Variants in ADGRB3 observed in about 807,000 individuals in gnomAD.
ADGRB3 encodes the protein brain-specific angiogenesis inhibitor 3.
A neutral mutation model predicts 193.4 loss-of-function variants in ADGRB3; 37 were observed. The observed-to-expected ratio is 0.19, with a 90% CI of 0.15 to 0.25. ADGRB3 has a LOEUF of 0.25. Among genes scored for constraint, ADGRB3 ranks in the 10% least tolerant of loss-of-function variants. ADGRB3 has a pLI of 1.00. For missense variants in ADGRB3, 1,637 were observed against 1,852.9 expected (o/e 0.88, Z 2.14); for synonymous variants, 690 against 644.2 (o/e 1.07, Z -1.08).
chr6:69,332,121 A>G (rs1264189133), intron 23 of ADGRB3: 1 of 985,320 alleles, frequency 1.0e-6, no homozygotes, highest in Admixed American at 6.2e-5. Context: ...TTCCTTGATC[A>G]GAAAGTGTTG....
At chr6:69,213,470 A>C (rs1765709854) in intron 17 of ADGRB3, among the ~76,000 whole-genome samples, 2 of 152,198 alleles carry the variant, frequency 1.3e-5, no homozygotes, top group Admixed American at 1.3e-4. Context: ...AATATTTGCT[A>C]TACATTGGCT....
intron 3 of ADGRB3, among the ~76,000 whole-genome samples, chr6:68,724,444 A>G (rs1378367265): frequency 6.6e-6 from 1 of 151,708 alleles, no homozygotes; most frequent in Non-Finnish European, 1.5e-5. Flanking sequence ...TTCTAATTTA[A>G]TAAATTATTG....
chr6:69,061,050 T>A (rs1378865670), intron 15 of ADGRB3, among the ~76,000 whole-genome samples: 1 of 151,576 alleles, frequency 6.6e-6, no homozygotes, highest in Non-Finnish European at 1.5e-5. Context: ...GTACCTTCAA[T>A]TGACTCATTT....
At chr6:69,169,385 T>A (rs1025928850) in intron 17 of ADGRB3, among the ~76,000 whole-genome samples, 1 of 151,908 alleles carries the variant, frequency 6.6e-6, no homozygotes, top group African/African-American at 2.4e-5. Context: ...CTCTTACTTA[T>A]TTTAAATTTG....
At chr6:68,650,785 T>C (rs942401986) in intron 3 of ADGRB3, among the ~76,000 whole-genome samples, 14 of 152,180 alleles carry the variant, frequency 9.2e-5, no homozygotes, top group Non-Finnish European at 1.0e-4. Context: ...TTTTTCCTTT[T>C]TGTTTGTCCA....
At chr6:69,049,449 G>A (rs1771330520) in intron 15 of ADGRB3, 103 bp downstream of exon 15, 1 of 797,294 alleles carries the variant, frequency 1.3e-6, no homozygotes, top group Non-Finnish European at 1.9e-6. Context: ...GTAATATGAA[G>A]GGATTTTTCT....
At position 69,313,015 on chromosome 6, in the gene ADGRB3, C is replaced by T. The variant is rs183091949; in HGVS notation, c.2815-11857C>T. ...TCCTACATTGTAGGTATTTTTCATTCCCATCTTACAAATGAAAGATTGAGG... is the reference window on the plus strand; with the variant it reads ...TCCTACATTGTAGGTATTTTTCATTTCCATCTTACAAATGAAAGATTGAGG... On this transcript the variant is annotated intron_variant, in intron 20 of 31. Coordinates refer to ENST00000370598, the MANE Select transcript of ADGRB3 (RefSeq NM_001704.3). 4.1e-3 allele frequency among the ~76,000 whole-genome samples: 616 copies of T among 151,906 alleles called. 9 individuals are homozygous for T. The highest frequency in any genetic ancestry group is 6.0e-3 in the South Asian group (29 of 4,824).
intron 3 of ADGRB3, among the ~76,000 whole-genome samples, chr6:68,650,867 CTT>C (rs1002208531): frequency 1.3e-5 from 2 of 152,204 alleles, no homozygotes; most frequent in African/African-American, 4.8e-5. Flanking sequence ...AAAAGGCTGA[CTT>C]TTCTTCTAGA....
intron 13 of ADGRB3, among the ~76,000 whole-genome samples, chr6:69,036,793 G>A (rs1770884879): frequency 6.6e-6 from 1 of 152,178 alleles, no homozygotes; most frequent in Non-Finnish European, 1.5e-5. Flanking sequence ...TGCATAATGT[G>A]ACCGCAGAGA....
intron 8 of ADGRB3, among the ~76,000 whole-genome samples, chr6:68,970,440 AC>A (rs1768525960): frequency 6.6e-6 from 1 of 151,606 alleles, no homozygotes; most frequent in African/African-American, 2.4e-5. Context: ...CTGCTTCAGC[AC>A]CTGTAGCAGG....
chr6:68,649,573 T>C (rs1768298835), intron 3 of ADGRB3, among the ~76,000 whole-genome samples: 2 of 152,132 alleles, frequency 1.3e-5, no homozygotes, highest in Non-Finnish European at 2.9e-5. Context: ...AAAAAAACGA[T>C]TGATTTTTAG....
rs1769747574 is a variant in ADGRB3 at position 69,373,436 on chromosome 6, T to C, written c.4275+995T>C. ...TTTTACCCTGAATGGAGTCCAAGGA[T>C]AATTGGTTCTTTTCAGTAACATTTC... On this transcript the variant is annotated intron_variant, in intron 30 of 31. Transcript: ENST00000370598. Among the ~76,000 whole-genome samples the C allele has an allele frequency of 2.0e-5, 3 of 152,072 alleles. No individual in the cohort carries two copies. The South Asian group carries it at 6.2e-4, about 31-fold the overall frequency.
At chr6:68,909,146 T>C (rs1005641305) in intron 3 of ADGRB3, among the ~76,000 whole-genome samples, 19 of 152,302 alleles carry the variant, frequency 1.2e-4, no homozygotes, top group African/African-American at 4.1e-4. Flanking sequence ...GAAAACCAAA[T>C]AACATCTTGT....
intron 29 of ADGRB3, among the ~76,000 whole-genome samples, chr6:69,367,819 A>C (rs1330574258): frequency 6.6e-6 from 1 of 152,100 alleles, no homozygotes; most frequent in Non-Finnish European, 1.5e-5. Flanking sequence ...GAGGCCATAA[A>C]AAATGATGAA....
At chr6:68,740,577 T>C (rs544811352) in intron 3 of ADGRB3, among the ~76,000 whole-genome samples, 1 of 152,318 alleles carries the variant, frequency 6.6e-6, no homozygotes, top group South Asian at 2.1e-4. Context: ...AATTCCAATT[T>C]GGCTACTAAG....
chr6:68,923,420 A>C (rs909513838), intron 3 of ADGRB3, among the ~76,000 whole-genome samples: 2 of 152,070 alleles, frequency 1.3e-5, no homozygotes, highest in African/African-American at 2.4e-5. Flanking sequence ...CCAGTGTTTT[A>C]TGAAAAAAGA....
chr6:68,689,713 A>T (rs901109662), intron 3 of ADGRB3, among the ~76,000 whole-genome samples: 8 of 152,060 alleles, frequency 5.3e-5, no homozygotes, highest in Non-Finnish European at 1.2e-4. Flanking sequence ...AAAAAAAAAC[A>T]ACTTTTAAAA....
chr6:68,650,638 C>T (rs1033687739), intron 3 of ADGRB3, among the ~76,000 whole-genome samples: 2 of 152,090 alleles, frequency 1.3e-5, no homozygotes, highest in African/African-American at 4.8e-5. Flanking sequence ...CTGTTGATCT[C>T]ACTGTCTCAA....
At chr6:68,990,303 CAG>C (rs1769199265) in intron 10 of ADGRB3, among the ~76,000 whole-genome samples, 1 of 152,082 alleles carries the variant, frequency 6.6e-6, no homozygotes, top group African/African-American at 2.4e-5. Context: ...ACGTTCTGGA[CAG>C]AAACGTATGT....
Sources: gnomAD v4.1 joint callset for allele counts (sites outside exome capture counted in the v4.1 genomes callset) on GRCh38, gnomAD v4.1.1 for gene constraint, MANE v1.5 for transcripts, NCBI Gene and HGNC (gene_info 2026-07-23, HGNC 2026-07-21) for gene names.